The following ADGRB1 variants were observed in gnomAD, a reference collection of about 807,000 sequenced individuals.
The protein encoded by ADGRB1 is brain-specific angiogenesis inhibitor 1.
Under a neutral mutation model 175.7 loss-of-function variants are expected in ADGRB1, and 36 were observed. That is an observed-to-expected ratio of 0.20 (90% CI 0.16 to 0.27). The LOEUF is 0.27. ADGRB1 is among the 10% of genes least tolerant of loss of function. The pLI, the probability that ADGRB1 is intolerant of heterozygous loss-of-function variation, is 1.00. For synonymous variants in ADGRB1, 1,054 were observed against 979.4 expected, an observed-to-expected ratio of 1.08 and a Z score of -1.42; for missense variants, 1,731 against 2,255.3, an observed-to-expected ratio of 0.77 and a Z score of 4.71.
intron 17 of ADGRB1, among the ~76,000 whole-genome samples, chr8:142,494,437 G>C (rs1370287267): frequency 6.6e-6 from 1 of 152,070 alleles, no homozygotes. Flanking sequence ...GTCCTGCTCT[G>C]GTGTCTTAGC....
rs1045994380 is a variant in ADGRB1, at chr8:142,539,482, C to T, written c.3706+69C>T. ...TGCATGGCCCCACTCCACGCCTCCG[C>T]CTGTGCCTCCCCCACATCACCCATC... On this transcript the variant is annotated intron_variant, in intron 27 of 30. Transcript: ENST00000517894. 9.7e-6 allele frequency: 15 copies of T among 1,545,582 alleles called. No individual in the cohort carries two copies. In the African/African-American group the frequency reaches 1.9e-4, roughly 20 times the overall value.
intron 1 of ADGRB1, among the ~76,000 whole-genome samples, chr8:142,461,946 G>A (rs527737835): frequency 5.9e-5 from 9 of 152,264 alleles, no homozygotes; most frequent in African/African-American, 2.2e-4. Flanking sequence ...GTAGCGCAAG[G>A]TGAGGCTGGG....
rs541087867 is a variant in ADGRB1, at chr8:142,492,285, C to T, written c.2675+1470C>T. ...CCACTGCTCACCACCCTTCCTCCGGCGGTCACTACCCTCTGATGGGCACTA... is the reference window on the plus strand; with the variant it reads ...CCACTGCTCACCACCCTTCCTCCGGTGGTCACTACCCTCTGATGGGCACTA... On this transcript the variant is annotated intron_variant, in intron 17 of 30. Transcript: ENST00000517894. The surrounding 1 kb of genome is among the most constrained non-coding windows in gnomAD (Gnocchi z 4.4). Among the ~76,000 whole-genome samples, 11 of 152,298 alleles carry T rather than the reference C, an allele frequency of 7.2e-5. No homozygotes were observed. The highest frequency in any genetic ancestry group is 2.4e-4 in the African/African-American group (10 of 41,560).
At chr8:142,484,802 C>A in intron 13 of ADGRB1, 38 bp downstream of exon 13, 2 of 1,464,188 alleles carry the variant, frequency 1.4e-6, no homozygotes, top group Non-Finnish European at 1.9e-6. Flanking sequence ...CCATGCCTTG[C>A]TTTGCAGCCC....
Position 142,543,699 on chromosome 8 carries a change from G to A in ADGRB1, c.4548G>A (p.Pro1516=), listed in dbSNP as rs534333067. 110 of 1,555,404 alleles carry A rather than the reference G, an allele frequency of 7.1e-5. No homozygotes were observed. The South Asian group carries it at 9.6e-4, about 14-fold the overall frequency. ...AGAAGGACAAGGAGGTGCTGGGGCC[G>A]GACAGCAAGGTCTGGAGGGCAGGGA... The part of the protein sequence containing the change: ...AAEKDKEVLG[P]DSKPEKQQTP... Residue 1516 remains proline (P), a synonymous_variant, in exon 30 of 31, where the codon CCG becomes CCA. Transcript: ENST00000517894. This position sits in a 1 kb window ranked among gnomAD's most constrained non-coding sequence, Gnocchi z 4.4.
chr8:142,501,454 CG>C (rs1563717490), intron 17 of ADGRB1, among the ~76,000 whole-genome samples: 3 of 11,500 alleles, frequency 2.6e-4, no homozygotes, highest in African/African-American at 1.1e-3. Flanking sequence ...GTGGTTTTGA[CG>C]ATGGAGGTGG....
At chr8:142,453,535 G>A (rs1431727381) in intron 1 of ADGRB1, among the ~76,000 whole-genome samples, 1 of 152,172 alleles carries the variant, frequency 6.6e-6, no homozygotes, top group Non-Finnish European at 1.5e-5. Context: ...CTGCGCCATC[G>A]GCAGAGCTGT....
chr8:142,453,416 T>C (rs7460106), intron 1 of ADGRB1, among the ~76,000 whole-genome samples: 51,919 of 152,014 alleles, frequency 0.34, 10,082 homozygotes, highest in East Asian at 0.61. Context: ...CTCCAACACC[T>C]GACCCTCAGC....
At chr8:142,495,112 G>C (rs1373019908) in intron 17 of ADGRB1, among the ~76,000 whole-genome samples, 1 of 152,210 alleles carries the variant, frequency 6.6e-6, no homozygotes, top group Non-Finnish European at 1.5e-5. Context: ...GCTGAATGCA[G>C]AAATGGATGT....
intron 9 of ADGRB1, 128 bp downstream of exon 9, chr8:142,479,922 C>A: frequency 9.4e-7 from 1 of 1,064,306 alleles, no homozygotes; most frequent in Non-Finnish European, 1.3e-6. Context: ...CGTGTGCTGG[C>A]GCGGGGTGGT....
At chr8:142,536,856 G>GAGGCCTCCTGCTGACC (rs1844956174) in intron 25 of ADGRB1, 131 bp from the exon 26 acceptor site, 1 of 645,630 alleles carries the variant, frequency 1.5e-6, no homozygotes. Flanking sequence ...GCCCTGTGGG[G>GAGGCCTCCTGCTGACC]AGGCCTCCTG....
intron 17 of ADGRB1, among the ~76,000 whole-genome samples, chr8:142,509,751 TTTTC>T (rs1271465623): frequency 6.6e-6 from 1 of 152,184 alleles, no homozygotes; most frequent in East Asian, 1.9e-4. Flanking sequence ...GAATGAGGCC[TTTTC>T]AGCCGTGGGT....
At chr8:142,495,633 G>A (rs1842176862) in intron 17 of ADGRB1, among the ~76,000 whole-genome samples, 1 of 151,938 alleles carries the variant, frequency 6.6e-6, no homozygotes, top group South Asian at 2.1e-4. Context: ...TTGGCTTGTG[G>A]CGGCGTCACT....
At chr8:142,453,479 C>G (rs1839482806) in intron 1 of ADGRB1, among the ~76,000 whole-genome samples, 1 of 152,206 alleles carries the variant, frequency 6.6e-6, no homozygotes. Context: ...CGCGAGCCCA[C>G]GCCCTCCCTT....
chr8:142,515,101 C>T (rs992429562), intron 18 of ADGRB1, among the ~76,000 whole-genome samples: 8 of 152,038 alleles, frequency 5.3e-5, no homozygotes, highest in South Asian at 2.1e-4. Context: ...GGGAGGGGGC[C>T]GGCTGGTTCA....
chr8:142,515,780 A>G (rs1176548785), intron 18 of ADGRB1, among the ~76,000 whole-genome samples: 1 of 152,198 alleles, frequency 6.6e-6, no homozygotes, highest in Admixed American at 6.5e-5. Flanking sequence ...TGGGAGAAGT[A>G]CCGGATGATG....
intron 17 of ADGRB1, among the ~76,000 whole-genome samples, chr8:142,502,426 G>T (rs77648218): frequency 7.9e-4 from 1 of 1,262 alleles, no homozygotes; most frequent in African/African-American, 3.1e-3. Context: ...GGTGATGGTG[G>T]TGGTGGTGGT....
At chr8:142,468,225 T>C (rs1034276063) in intron 2 of ADGRB1, among the ~76,000 whole-genome samples, 47 of 151,412 alleles carry the variant, frequency 3.1e-4, no homozygotes, top group African/African-American at 4.9e-4. Context: ...TGTGTGTGTG[T>C]GCGTGTGCAG....
intron 17 of ADGRB1, among the ~76,000 whole-genome samples, chr8:142,499,352 G>A (rs1284689608): frequency 6.6e-6 from 1 of 152,214 alleles, no homozygotes; most frequent in African/African-American, 2.4e-5. Flanking sequence ...TGCTCAGCAG[G>A]TGGGCACCGT....
Sources: allele counts gnomAD v4.1 joint callset (sites outside exome capture counted in the v4.1 genomes callset), GRCh38; gene constraint gnomAD v4.1.1; non-coding constraint Gnocchi (gnomAD v3.1); transcripts MANE v1.5; gene names NCBI Gene and HGNC (gene_info 2026-07-23, HGNC 2026-07-21).